VAV2: variants seen among roughly 807,000 people sequenced by gnomAD.
The protein encoded by VAV2 is vav guanine nucleotide exchange factor 2.
VAV2 carries 67 observed loss-of-function variants against 132.5 expected under a neutral mutation model. The observed-to-expected ratio is 0.51, with a 90% confidence interval of 0.42 to 0.62. VAV2 has a LOEUF of 0.62. Ranked by LOEUF, VAV2 falls within the 20% of genes least tolerant of loss-of-function variation. The pLI is 0.00. For synonymous variants in VAV2, 492 were observed against 443.5 expected (o/e 1.11, Z -1.37); for missense variants, 938 against 1,153.6 (o/e 0.81, Z 2.71).
chr9:133,917,699 G>C (rs1017439425), intron 2 of VAV2, among the ~76,000 whole-genome samples: 1 of 152,150 alleles, frequency 6.6e-6, no homozygotes, highest in African/African-American at 2.4e-5. Context: ...GGAGGAAAGC[G>C]ACTGGCCCAG....
intron 2 of VAV2, among the ~76,000 whole-genome samples, chr9:133,901,736 A>C (rs961468655): frequency 2.0e-5 from 3 of 152,104 alleles, no homozygotes; most frequent in Non-Finnish European, 4.4e-5. Flanking sequence ...TATTTCCCCC[A>C]CTGTTCTGAC....
At chr9:133,987,816 G>C (rs1182190324) in intron 1 of VAV2, among the ~76,000 whole-genome samples, 2 of 152,322 alleles carry the variant, frequency 1.3e-5, no homozygotes, top group South Asian at 2.1e-4. Context: ...TACCCAATTA[G>C]TTTAATTAAA....
At chr9:133,774,220 T>C (rs1426007326) in intron 25 of VAV2, among the ~76,000 whole-genome samples, 1 of 152,206 alleles carries the variant, frequency 6.6e-6, no homozygotes, top group Admixed American at 6.5e-5. Context: ...GAGGCCTTCA[T>C]ACAGCACCCA....
chr9:133,790,764 G>A (rs138954208), intron 13 of VAV2, among the ~76,000 whole-genome samples: 22 of 152,020 alleles, frequency 1.4e-4, no homozygotes, highest in African/African-American at 5.1e-4. Flanking sequence ...CCGACGTATC[G>A]CAGGTGCTTT....
chr9:133,801,940 C>T (rs1291098796), intron 9 of VAV2, among the ~76,000 whole-genome samples: 1 of 152,110 alleles, frequency 6.6e-6, no homozygotes, highest in Admixed American at 6.5e-5. Flanking sequence ...AGGAGTCTGG[C>T]CTCCAGAACA....
At chr9:133,843,962 G>A (rs974330836) in intron 3 of VAV2, among the ~76,000 whole-genome samples, 1 of 152,176 alleles carries the variant, frequency 6.6e-6, no homozygotes, top group Non-Finnish European at 1.5e-5. Context: ...CGAGGTGGGG[G>A]TGTGGCCAGC....
At chr9:133,784,190 G>T in intron 18 of VAV2, 127 bp downstream of exon 18, 1 of 1,021,914 alleles carries the variant, frequency 9.8e-7, no homozygotes. Context: ...GACTCTTGTG[G>T]GGTATACTCC....
At chr9:133,943,205 G>T (rs752841385) in intron 1 of VAV2, among the ~76,000 whole-genome samples, 23 of 152,186 alleles carry the variant, frequency 1.5e-4, no homozygotes, top group Non-Finnish European at 2.6e-4. Context: ...TGGTTTGCAA[G>T]GTCTGTGGTC....
rs530125790 is a variant in VAV2 at position 133,875,243 on chromosome 9, C to T, written c.322-13811G>A. Among the ~76,000 whole-genome samples, 85 of 152,300 alleles carry T rather than the reference C, an allele frequency of 5.6e-4. 1 individual carries two copies. The highest frequency in any genetic ancestry group is 2.0e-3 in the African/African-American group (85 of 41,560). ...GAACCCGGGTTCACAGGGCCAGAGC[C>T]GAGTGCCGAACCCTCCGTGCCAAGG... is the stretch of plus-strand genomic sequence containing the variant. On this transcript the variant is annotated intron_variant, in intron 2 of 29. Transcript: ENST00000371850.
At chr9:133,819,889 T>C (rs1250874988) in intron 4 of VAV2, among the ~76,000 whole-genome samples, 1 of 152,148 alleles carries the variant, frequency 6.6e-6, no homozygotes, top group African/African-American at 2.4e-5. Context: ...AAAGAAGTGG[T>C]TTTTCAAAAA....
chr9:133,784,290 A>C, intron 18 of VAV2, 27 bp downstream of exon 18: 1 of 1,606,264 alleles, frequency 6.2e-7, no homozygotes, highest in Non-Finnish European at 8.5e-7. Context: ...GAGCGAGGTG[A>C]GGGCTGTAGC....
At chr9:133,945,981 AC>A (rs1435528569) in intron 1 of VAV2, among the ~76,000 whole-genome samples, 3 of 152,152 alleles carry the variant, frequency 2.0e-5, no homozygotes, top group Non-Finnish European at 4.4e-5. Flanking sequence ...TCTGACTCCC[AC>A]GATGCTGGGA....
chr9:133,795,886 C>T (rs559844569), intron 11 of VAV2, 150 bp from the exon 12 acceptor site: 24 of 740,154 alleles, frequency 3.2e-5, no homozygotes, highest in Non-Finnish European at 5.3e-5. Flanking sequence ...GGCTGCCCGA[C>T]ACCAAAGGAC....
intron 4 of VAV2, among the ~76,000 whole-genome samples, chr9:133,822,690 C>T (rs1219567138): frequency 6.6e-6 from 1 of 152,144 alleles, no homozygotes; most frequent in Non-Finnish European, 1.5e-5. Context: ...ACCAGATTCC[C>T]GGAAGGAGAC....
In VAV2 at chr9:133,823,487, A is replaced by G. The variant is rs1835870936; in HGVS notation, c.449+10785T>C. Among the ~76,000 whole-genome samples, 2 of 152,304 alleles carry G rather than the reference A, an allele frequency of 1.3e-5. No individual in the cohort carries two copies. Among genetic ancestry groups the G allele is most frequent in the South Asian group, 4.1e-4 (2 of 4,828 alleles). On this transcript the variant is annotated intron_variant, in intron 4 of 29. Transcript: ENST00000371850. The surrounding 1 kb of genome is among the most constrained non-coding windows in gnomAD (Gnocchi z 5.5). ...ATGTGACGCTTGTTCATTTTAGAGC[A>G]ATATTTCTTAAGTGCCACTGTGTGT...
intron 1 of VAV2, among the ~76,000 whole-genome samples, chr9:133,948,350 G>A (rs1378264176): frequency 1.3e-5 from 2 of 152,216 alleles, no homozygotes; most frequent in South Asian, 2.1e-4. Context: ...GCATGGCCTC[G>A]CATGAGTGTC....
intron 2 of VAV2, among the ~76,000 whole-genome samples, chr9:133,904,325 A>C (rs1345415377): frequency 6.6e-6 from 1 of 152,206 alleles, no homozygotes; most frequent in Non-Finnish European, 1.5e-5. Flanking sequence ...GACACAGAAG[A>C]ATCCCAAGTC....
chr9:133,892,708 G>A (rs1839027280), intron 2 of VAV2, among the ~76,000 whole-genome samples: 1 of 152,144 alleles, frequency 6.6e-6, no homozygotes, highest in Non-Finnish European at 1.5e-5. Flanking sequence ...CAGGAGGGCA[G>A]GGCAGGCTGA....
chr9:133,985,518 A>G (rs1432560924), intron 1 of VAV2, among the ~76,000 whole-genome samples: 1 of 152,024 alleles, frequency 6.6e-6, no homozygotes, highest in African/African-American at 2.4e-5. Flanking sequence ...CTGACCTCAA[A>G]TGATCTGCCC....
Sources: allele counts gnomAD v4.1 joint callset (sites outside exome capture counted in the v4.1 genomes callset), GRCh38; gene constraint gnomAD v4.1.1; non-coding constraint Gnocchi (gnomAD v3.1); transcripts MANE v1.5; gene names NCBI Gene and HGNC (gene_info 2026-07-23, HGNC 2026-07-21).